LCMT1: variants seen among roughly 807,000 people sequenced by gnomAD.
The protein encoded by LCMT1 is leucine carboxyl methyltransferase 1, also known as [Phosphatase 2A protein]-leucine-carboxy methyltransferase 1.
Under a neutral mutation model 47.7 loss-of-function variants are expected in LCMT1, and 32 were observed. That is an observed-to-expected ratio of 0.67 (90% CI 0.51 to 0.90). The LOEUF (loss-of-function observed/expected upper bound fraction) is 0.90. LCMT1 is among the 40% of genes least tolerant of loss of function. The probability of loss-of-function intolerance (pLI) is 0.00; values close to 1 mark genes in which losing one functional copy is unlikely to be tolerated. For missense variants in LCMT1, 375 were observed against 415.2 expected (o/e 0.90, Z 0.84); for synonymous variants, 152 against 149.7 (o/e 1.02, Z -0.11).
chr16:25,141,812 G>C (rs1960702436), intron 4 of LCMT1: 2 of 152,278 alleles, frequency 1.3e-5, no homozygotes, highest in South Asian at 4.1e-4. Flanking sequence ...AGGGAGTGCA[G>C]GGAGGCTTGA....
At chr16:25,119,156 A>G (rs1390548618) in intron 1 of LCMT1, among the ~76,000 whole-genome samples, 1 of 152,102 alleles carries the variant, frequency 6.6e-6, no homozygotes, top group East Asian at 1.9e-4. Context: ...GGTGGAGTTG[A>G]TAGAATGTTC....
At chr16:25,151,699 G>A in intron 5 of LCMT1, 84 bp downstream of exon 5, 1 of 714,226 alleles carries the variant, frequency 1.4e-6, no homozygotes. Context: ...TGTGTTGGGT[G>A]TGTGTGTGTG....
intron 5 of LCMT1, 112 bp downstream of exon 5, chr16:25,151,727 T>TGTGTGG: frequency 6.5e-6 from 1 of 154,686 alleles, no homozygotes; most frequent in Non-Finnish European, 1.1e-5. Flanking sequence ...GTGTGTGGTG[T>TGTGTGG]TATACAATGT....
intron 4 of LCMT1, among the ~76,000 whole-genome samples, chr16:25,150,271 G>C (rs34183499): frequency 2.0e-5 from 3 of 150,492 alleles, no homozygotes; most frequent in Non-Finnish European, 2.9e-5. Context: ...CTAGGAAAGG[G>C]TGGAGCTGAG....
chr16:25,116,137 G>A (rs1394299480), intron 1 of LCMT1, among the ~76,000 whole-genome samples: 1 of 152,250 alleles, frequency 6.6e-6, no homozygotes, highest in African/African-American at 2.4e-5. Context: ...ACATCAGTAA[G>A]AGAGTGTTAG....
intron 8 of LCMT1, 81 bp downstream of exon 8, chr16:25,169,294 C>A (rs772728199): frequency 5.5e-6 from 5 of 907,608 alleles, no homozygotes; most frequent in Non-Finnish European, 9.1e-6. Context: ...CAGATGTGAT[C>A]ATGGAGAAGC....
At chr16:25,122,835 G>A (rs1202522692) in intron 1 of LCMT1, among the ~76,000 whole-genome samples, 1 of 150,872 alleles carries the variant, frequency 6.6e-6, no homozygotes. Context: ...TTCTTTTTTT[G>A]AGACAGGATC....
At chr16:25,123,873 T>C (rs1234028345) in intron 1 of LCMT1, among the ~76,000 whole-genome samples, 1 of 152,146 alleles carries the variant, frequency 6.6e-6, no homozygotes, top group Non-Finnish European at 1.5e-5. Flanking sequence ...CCTCCCAAAA[T>C]GCTGGGATCA....
At chr16:25,121,316 A>T (rs1048688089) in intron 1 of LCMT1, among the ~76,000 whole-genome samples, 1 of 152,064 alleles carries the variant, frequency 6.6e-6, no homozygotes, top group African/African-American at 2.4e-5. Context: ...AGGCTGAGTC[A>T]GGAGAATTGC....
At chr16:25,121,024 G>A (rs573777307) in intron 1 of LCMT1, among the ~76,000 whole-genome samples, 2 of 147,790 alleles carry the variant, frequency 1.4e-5, no homozygotes, top group East Asian at 2.1e-4. Flanking sequence ...GCCTCCCAAA[G>A]TGCTAGGATT....
At chr16:25,142,834 A>G (rs1405638514) in intron 4 of LCMT1, 1 of 152,204 alleles carries the variant, frequency 6.6e-6, no homozygotes, top group Non-Finnish European at 1.5e-5. Context: ...CCTGAATTTG[A>G]GGTCTTCCAC....
At chr16:25,122,527 C>T (rs1960023860) in intron 1 of LCMT1, among the ~76,000 whole-genome samples, 1 of 151,936 alleles carries the variant, frequency 6.6e-6, no homozygotes, top group Admixed American at 6.6e-5. Context: ...TGGGGTCTTA[C>T]TTTGTTGCCC....
intron 5 of LCMT1, chr16:25,158,959 G>C (rs1442706992): frequency 2.0e-5 from 3 of 152,158 alleles, no homozygotes; most frequent in African/African-American, 7.2e-5. Context: ...AGAGTGGCGG[G>C]TGAGCCTCAA....
chr16:25,122,144 T>C (rs1960010205), intron 1 of LCMT1, among the ~76,000 whole-genome samples: 1 of 152,208 alleles, frequency 6.6e-6, no homozygotes, highest in Non-Finnish European at 1.5e-5. Flanking sequence ...GTGAATGCAA[T>C]GCTAATTATT....
At chr16:25,134,023 T>C (rs1960431163) in intron 3 of LCMT1, among the ~76,000 whole-genome samples, 2 of 148,888 alleles carry the variant, frequency 1.3e-5, no homozygotes, top group African/African-American at 2.5e-5. Flanking sequence ...CGAGTGAGAC[T>C]TCGTCTCTTA....
rs1960380982 is a variant in LCMT1, at chr16:25,132,511, C to G, written c.315C>G (p.Phe105Leu). ...TTGGGGCAGGCATGGATACCACCTT[C>G]TGGAGATTAAAGGTATGTTCAAATT... ...VNLGAGMDTT[F>L]WRLKDEDLLP... is the part of the protein sequence containing the mutation. Residue 105 changes from phenylalanine to leucine, a missense_variant, in exon 3 of 11, where the codon TTC becomes TTG. Phe to Leu is a conservative substitution (Grantham distance 22). Coordinates refer to ENST00000399069, the MANE Select transcript of LCMT1 (RefSeq NM_016309.3). 3 of 1,613,848 alleles carry G rather than the reference C, an allele frequency of 1.9e-6. No individual in the cohort carries two copies. In the East Asian group the frequency reaches 6.7e-5, roughly 36 times the overall value.
intron 1 of LCMT1, among the ~76,000 whole-genome samples, chr16:25,117,192 C>G (rs1422583363): frequency 6.6e-6 from 1 of 152,166 alleles, no homozygotes; most frequent in Non-Finnish European, 1.5e-5. Context: ...GGGACATCTT[C>G]CTCTCTTTTC....
chr16:25,160,384 A>G (rs927810748), intron 5 of LCMT1, among the ~76,000 whole-genome samples: 1 of 152,130 alleles, frequency 6.6e-6, no homozygotes, highest in African/African-American at 2.4e-5. Context: ...ATAGATAACC[A>G]TTTCATCCCA....
At chr16:25,118,366 C>T (rs1044843063) in intron 1 of LCMT1, among the ~76,000 whole-genome samples, 3 of 152,092 alleles carry the variant, frequency 2.0e-5, no homozygotes, top group African/African-American at 7.2e-5. Flanking sequence ...CTCCACCCTC[C>T]CTTGCCTGCT....
Sources: gnomAD v4.1 joint callset for allele counts (sites outside exome capture counted in the v4.1 genomes callset) on GRCh38, gnomAD v4.1.1 for gene constraint, MANE v1.5 for transcripts, NCBI Gene and HGNC (gene_info 2026-07-23, HGNC 2026-07-21) for gene names.